Variants in VCAN observed in about 807,000 individuals in gnomAD.
VCAN encodes versican core protein.
A neutral mutation model predicts 245.5 loss-of-function variants in VCAN; 44 were observed. The observed-to-expected ratio is 0.18, with a 90% CI of 0.14 to 0.23. The LOEUF is 0.23. Among genes scored for constraint, VCAN ranks in the 10% least tolerant of loss-of-function variants. VCAN has a pLI of 1.00. For missense variants in VCAN, 3,793 were observed against 4,057.9 expected, an observed-to-expected ratio of 0.93 and a Z score of 1.77; for synonymous variants, 1,413 against 1,437.0, an observed-to-expected ratio of 0.98 and a Z score of 0.38.
intron 1 of VCAN, among the ~76,000 whole-genome samples, chr5:83,482,873 C>T (rs989970937): frequency 6.6e-6 from 1 of 152,206 alleles, no homozygotes. Flanking sequence ...ATGGCAAGAA[C>T]TGGTCACTTT....
intron 10 of VCAN, among the ~76,000 whole-genome samples, chr5:83,548,385 C>T (rs918368086): frequency 3.9e-5 from 6 of 152,078 alleles, no homozygotes; most frequent in African/African-American, 1.4e-4. Context: ...GGCTCATGTA[C>T]GAAGGAGTAC....
Position 83,520,095 on chromosome 5 carries a change from T to C in VCAN, c.1789T>C (p.Leu597=), listed in dbSNP as rs1347639783. 7 of 1,613,912 alleles carry C rather than the reference T, an allele frequency of 4.3e-6. No individual in the cohort carries two copies. The highest frequency in any genetic ancestry group is 4.0e-5 in the African/African-American group (3 of 74,910). Reference sequence around the variant, plus strand: ...CACCATCCACACTCATTTAGAAGACTTGGAGTCAGTCTCAGCATCCACAAC... The same window carrying C: ...CACCATCCACACTCATTTAGAAGACCTGGAGTCAGTCTCAGCATCCACAAC... The part of the protein sequence containing the change: ...EDTIHTHLED[L]ESVSASTTVS... Residue 597 remains leucine, a synonymous_variant, in exon 7 of 15, where the codon TTG becomes CTG. Coordinates refer to ENST00000265077, the MANE Select transcript of VCAN (RefSeq NM_004385.5).
At chr5:83,524,906 A>G (rs1561247552) in intron 7 of VCAN, among the ~76,000 whole-genome samples, 3 of 152,050 alleles carry the variant, frequency 2.0e-5, no homozygotes, top group Non-Finnish European at 4.4e-5. Flanking sequence ...GCATGTGTGA[A>G]CTTGTATAAA....
chr5:83,474,246 G>A (rs537157397), intron 1 of VCAN, among the ~76,000 whole-genome samples: 1 of 152,224 alleles, frequency 6.6e-6, no homozygotes, highest in South Asian at 2.1e-4. Context: ...GGAAGGAAGG[G>A]AAGTGGAAGG....
chr5:83,532,159 C>A (rs928786367), intron 7 of VCAN, among the ~76,000 whole-genome samples: 2 of 152,046 alleles, frequency 1.3e-5, no homozygotes, highest in African/African-American at 4.8e-5. Flanking sequence ...CAGGTGTACC[C>A]CCCAACCCCC....
At chr5:83,565,830 G>A (rs961793208) in intron 12 of VCAN, among the ~76,000 whole-genome samples, 15 of 152,132 alleles carry the variant, frequency 9.9e-5, no homozygotes, top group Admixed American at 2.0e-4. Flanking sequence ...AACTGATACT[G>A]GATGGTCTGG....
In VCAN at chr5:83,546,305, G is replaced by A. The variant is rs78706831; in HGVS notation, c.9379+655G>A. Among the ~76,000 whole-genome samples, 1,280 of 151,868 alleles carry A rather than the reference G, an allele frequency of 8.4e-3. 17 individuals carry two copies. Among genetic ancestry groups the A allele is most frequent in the East Asian group, 0.032 (167 of 5,180 alleles). On this transcript the variant is annotated intron_variant, in intron 9 of 14. Coordinates refer to ENST00000265077, the MANE Select transcript of VCAN (RefSeq NM_004385.5). The stretch of plus-strand genomic sequence containing the variant: ...TAGACCTCACTTCTGAGAAAAGAAT[G>A]ATGAAATATGTTGTCCAGATGTCCC...
At chr5:83,563,913 G>C (rs1747974656) in intron 12 of VCAN, among the ~76,000 whole-genome samples, 1 of 152,172 alleles carries the variant, frequency 6.6e-6, no homozygotes, top group Admixed American at 6.6e-5. Context: ...TTAGGTGGAT[G>C]TTGCACATTT....
chr5:83,520,316 A>C lies in VCAN; in HGVS notation c.2010A>C (p.Thr670=). The change falls in exon 7 of 15, where the codon ACA becomes ACC. Residue 670 remains threonine (T), a synonymous_variant. Transcript: ENST00000265077. The stretch of plus-strand genomic sequence containing the variant: ...AAATATTAGTAGAGGGAATTTCCAC[A>C]GTTATTTATCCTTCTCTACAAACAG... ...GDKILVEGIS[T]VIYPSLQTEM... is the part of the protein sequence containing the mutation. 1.2e-6 allele frequency: 2 copies of C among 1,613,886 alleles called. No homozygotes were observed. The highest frequency in any genetic ancestry group is 1.7e-5 in the Admixed American group (1 of 60,004).
chr5:83,574,104 TG>T (rs1748390036), intron 13 of VCAN, among the ~76,000 whole-genome samples: 1 of 152,176 alleles, frequency 6.6e-6, no homozygotes, highest in Non-Finnish European at 1.5e-5. Context: ...ATGTCCATGG[TG>T]GCAGAAGTCT....
chr5:83,531,102 C>T (rs907883307), intron 7 of VCAN, among the ~76,000 whole-genome samples: 2 of 152,092 alleles, frequency 1.3e-5, no homozygotes, highest in Non-Finnish European at 2.9e-5. Context: ...ATGTATACAG[C>T]TTTTGCTTCT....
intron 7 of VCAN, among the ~76,000 whole-genome samples, chr5:83,528,676 A>G (rs1473351477): frequency 6.6e-6 from 1 of 152,154 alleles, no homozygotes; most frequent in African/African-American, 2.4e-5. Context: ...ATGGTTCAGA[A>G]TTACACACTT....
chr5:83,536,991 ACT>A lies in VCAN; in HGVS notation c.4004-13_4004-12del. 1 of 1,562,572 alleles carries A rather than the reference ACT, an allele frequency of 6.4e-7. No homozygotes were observed. Among genetic ancestry groups the A allele is most frequent in the Non-Finnish European group, 8.6e-7 (1 of 1,158,678 alleles). Reference sequence around the variant, plus strand: ...AATTTTCTATTTAAGTATTGTGAAAACTCTGTTTTTTTCAGGTCGAATGAGTG... The same window carrying A: ...AATTTTCTATTTAAGTATTGTGAAAACTGTTTTTTTCAGGTCGAATGAGTG... On this transcript the variant is annotated splice_polypyrimidine_tract_variant and intron_variant, in intron 7 of 14. Transcript: ENST00000265077.
At chr5:83,494,320 G>A (rs1178043863) in intron 5 of VCAN, among the ~76,000 whole-genome samples, 1 of 152,140 alleles carries the variant, frequency 6.6e-6, no homozygotes, top group Non-Finnish European at 1.5e-5. Context: ...ACACCCCAGA[G>A]CTAACTAAAT....
intron 13 of VCAN, among the ~76,000 whole-genome samples, chr5:83,578,394 C>T (rs958789180): frequency 1.3e-5 from 2 of 151,668 alleles, no homozygotes; most frequent in East Asian, 3.9e-4. Flanking sequence ...AGGCTTAGTA[C>T]CTGGGTGACA....
intron 8 of VCAN, among the ~76,000 whole-genome samples, chr5:83,543,576 T>A (rs1264794623): frequency 6.6e-6 from 1 of 152,160 alleles, no homozygotes. Flanking sequence ...TGACATTGGG[T>A]TTTTTGTTAT....
At chr5:83,559,425 A>ACTC (rs1747782435) in intron 12 of VCAN, among the ~76,000 whole-genome samples, 1 of 151,250 alleles carries the variant, frequency 6.6e-6, no homozygotes, top group African/African-American at 2.4e-5. Flanking sequence ...AAACCAATCC[A>ACTC]CTCCGTCTGC....
chr5:83,472,641 G>T (rs916184605), intron 1 of VCAN, among the ~76,000 whole-genome samples: 3 of 152,170 alleles, frequency 2.0e-5, no homozygotes, highest in African/African-American at 7.2e-5. Context: ...TCTGGGAGGA[G>T]GTCCGGCCGG....
chr5:83,573,249 C>T (rs550560410), intron 13 of VCAN, among the ~76,000 whole-genome samples: 20 of 152,158 alleles, frequency 1.3e-4, no homozygotes, highest in Non-Finnish European at 2.4e-4. Context: ...TAGTTGTCAA[C>T]AGTTAAAAAT....
Sources: gnomAD v4.1 joint callset for allele counts (sites outside exome capture counted in the v4.1 genomes callset) on GRCh38, gnomAD v4.1.1 for gene constraint, MANE v1.5 for transcripts, NCBI Gene and HGNC (gene_info 2026-07-23, HGNC 2026-07-21) for gene names.